Variants in RPL3L observed in about 807,000 individuals in gnomAD.
RPL3L encodes ribosomal protein uL3-like.
RPL3L carries 44 observed loss-of-function variants against 44.5 expected under a neutral mutation model. That is an observed-to-expected ratio of 0.99 (90% CI 0.78 to 1.27). The LOEUF (loss-of-function observed/expected upper bound fraction) is 1.27, where lower values mean the gene tolerates loss of function less well. RPL3L is among the 50% of genes most tolerant of loss of function. RPL3L has a pLI of 0.00. For missense variants in RPL3L, 631 were observed against 569.1 expected (o/e 1.11, Z -1.11); for synonymous variants, 292 against 230.7 (o/e 1.27, Z -2.41).
intron 4 of RPL3L, among the ~76,000 whole-genome samples, chr16:1,948,370 T>C (rs2083141668): frequency 6.6e-6 from 1 of 151,826 alleles, no homozygotes; most frequent in Non-Finnish European, 1.5e-5. Flanking sequence ...ATTACAGGTG[T>C]GTGCCACCAT....
intron 5 of RPL3L, 31 bp downstream of exon 5, chr16:1,947,163 C>T (rs775919004): frequency 2.5e-6 from 4 of 1,612,816 alleles, no homozygotes; most frequent in African/African-American, 1.3e-5. Flanking sequence ...AGGCAGCCTG[C>T]CCTGGAGCTG....
At position 1,946,658 on chromosome 16, in the gene RPL3L, G is replaced by A. The variant is rs1413908223; in HGVS notation, c.918C>T (p.Ser306=). 1.2e-6 allele frequency: 2 copies of A among 1,612,824 alleles called. No homozygotes were observed. The highest frequency in any genetic ancestry group is 1.1e-5 in the South Asian group (1 of 91,088). ...GKLVKNNAST[S]YDVTAKSITP... ...TGATGGACTTGGCAGTCACGTCGTA[G>A]CTGGTGGATGCATTGTTCTTCACCA... Residue 306 remains serine, a synonymous_variant, in exon 7 of 10, where the codon AGC becomes AGT. Transcript: ENST00000268661.
intron 3 of RPL3L, 58 bp downstream of exon 3, chr16:1,952,816 C>T: frequency 1.9e-6 from 3 of 1,591,968 alleles, no homozygotes; most frequent in South Asian, 1.1e-5. Flanking sequence ...GAGCCTCAGG[C>T]ACCCAACTTC....
chr16:1,944,414 A>T lies in RPL3L; in HGVS notation c.*423T>A, dbSNP rs567058920. 83 of 164,384 alleles carry T rather than the reference A, an allele frequency of 5.0e-4. No homozygotes were observed. The highest frequency in any genetic ancestry group is 1.6e-3 in the African/African-American group (67 of 41,382). 10.2% of individuals were successfully genotyped at this position (164,384 alleles called of 1,614,324 possible). On this transcript the variant is annotated 3_prime_UTR_variant, in exon 10 of 10. Transcript: ENST00000268661. ...CTGACTCAGCGCAAGAAGACAGCTG[A>T]CTCCCTGTGATTTCCTCCCTGACCA...
chr16:1,946,673 G>T lies in RPL3L; in HGVS notation c.903C>A (p.Asn301Lys). The T allele has an allele frequency of 1.2e-6, 2 of 1,612,832 alleles. No individual in the cohort carries two copies. Among genetic ancestry groups the T allele is most frequent in the Non-Finnish European group, 1.7e-6 (2 of 1,179,962 alleles). ...TCACGTCGTAGCTGGTGGATGCATT[G>T]TTCTTCACCAGCTTCCCGTCCTCCA... is the stretch of plus-strand genomic sequence containing the variant. ...PHMEDGKLVK[N>K]NASTSYDVTA... Residue 301 changes from asparagine (N) to lysine (K), a missense_variant, in exon 7 of 10, where the codon AAC becomes AAA. By Grantham distance (94) the Asn-to-Lys change is moderately conservative (BLOSUM62 0). Coordinates refer to ENST00000268661, the MANE Select transcript of RPL3L (RefSeq NM_005061.3).
chr16:1,950,022 A>G (rs866784054), intron 4 of RPL3L, among the ~76,000 whole-genome samples: 3,000 of 32,700 alleles, frequency 0.092, 49 homozygotes, highest in African/African-American at 0.14. Context: ...GTATGTAGGG[A>G]GCAGGTATGG....
intron 1 of RPL3L, among the ~76,000 whole-genome samples, 164 bp downstream of exon 1, chr16:1,954,465 G>A (rs907586420): frequency 1.3e-5 from 2 of 151,974 alleles, no homozygotes; most frequent in African/African-American, 4.8e-5. Context: ...GGCCCTCCCA[G>A]GCCCAGGAGC....
In RPL3L at chr16:1,947,938, A is replaced by ATT. The variant is rs1158555053; in HGVS notation, c.502-560_502-559dup. Among the ~76,000 whole-genome samples the ATT allele has an allele frequency of 9.7e-3, 1,066 of 109,936 alleles. 28 individuals carry two copies. The highest frequency in any genetic ancestry group is 0.067 in the East Asian group (243 of 3,614). The allele number at this position is 109,936 out of a possible 152,430, so 72.1% of individuals were successfully genotyped here. ...GCAGGCTGCGATGTGATCTGATTGG[A>ATT]TTTTTTTTTTTTTTTTTTTTTTTGA... On this transcript the variant is annotated intron_variant, in intron 4 of 9. Coordinates refer to ENST00000268661, the MANE Select transcript of RPL3L (RefSeq NM_005061.3).
rs763380562 is a variant in RPL3L at position 1,954,150 on chromosome 16, T to TG, written c.4-3dup. The TG allele has an allele frequency of 1.0e-5, 16 of 1,571,814 alleles. No homozygotes were observed. The Admixed American group carries it at 1.8e-4, about 18-fold the overall frequency. On this transcript the variant is annotated splice_polypyrimidine_tract_variant and splice_region_variant and intron_variant, in intron 1 of 9. Coordinates refer to ENST00000268661, the MANE Select transcript of RPL3L (RefSeq NM_005061.3). Reference sequence around the variant, plus strand: ...AGGGGCGGAAAACTTCCGGTGGGACTGGGGGGCAGGAAGGAAGGAGGTCAG... The same window carrying TG: ...AGGGGCGGAAAACTTCCGGTGGGACTGGGGGGGCAGGAAGGAAGGAGGTCAG...
At chr16:1,948,349 G>C (rs1426036412) in intron 4 of RPL3L, among the ~76,000 whole-genome samples, 13 of 151,938 alleles carry the variant, frequency 8.6e-5, no homozygotes, top group Middle Eastern at 3.4e-3. Flanking sequence ...TCAGCTTCTT[G>C]AGTAACTGGG....
rs777165381 is a variant in RPL3L at position 1,947,094 on chromosome 16, GA to G, written c.692del (p.Val231AlafsTer69). 8 of 1,613,430 alleles carry G rather than the reference GA, an allele frequency of 5.0e-6. No homozygotes were observed. The highest frequency in any genetic ancestry group is 6.8e-6 in the Non-Finnish European group (8 of 1,180,004). The stretch of plus-strand genomic sequence containing the variant: ...GCTTCTTGGTATGCCAGCGGCTTGT[GA>G]CCCCTGTGAGTGAGAGGGGCTGGTG... ...AVTKGRGVKG[V>X]TSRWHTKKLP... On this transcript the variant is annotated frameshift_variant, in exon 6 of 10. Transcript: ENST00000268661. LOFTEE classifies it high-confidence loss of function.
At chr16:1,945,049 T>C (rs1167613628) in intron 9 of RPL3L, among the ~76,000 whole-genome samples, 156 bp from the exon 10 acceptor site, 2 of 151,866 alleles carry the variant, frequency 1.3e-5, no homozygotes, top group Non-Finnish European at 2.9e-5. Context: ...TGCCCAGGGA[T>C]AGACCCTTAA....
intron 1 of RPL3L, 145 bp from the exon 2 acceptor site, chr16:1,954,293 G>T: frequency 1.1e-6 from 1 of 941,460 alleles, no homozygotes. Context: ...CCTACAGGAG[G>T]GGAGAGGAAG....
At chr16:1,950,486 AC>A (rs1233353898) in intron 4 of RPL3L, among the ~76,000 whole-genome samples, 1 of 152,116 alleles carries the variant, frequency 6.6e-6, no homozygotes, top group Non-Finnish European at 1.5e-5. Context: ...CTGTCAGCCT[AC>A]AGCAAGCCAG....
chr16:1,946,913 C>T (rs1297738352), intron 6 of RPL3L, 25 bp downstream of exon 6: 9 of 1,585,536 alleles, frequency 5.7e-6, no homozygotes, highest in South Asian at 1.1e-5. Context: ...CACACAGTGT[C>T]CCCGTACCCC....
chr16:1,947,589 C>G (rs62038771), intron 4 of RPL3L, among the ~76,000 whole-genome samples: 3 of 152,236 alleles, frequency 2.0e-5, no homozygotes, highest in Non-Finnish European at 4.4e-5. Context: ...TCGGGAGCCA[C>G]CATCTCACTG....
chr16:1,953,559 A>T (rs952848143), intron 2 of RPL3L, among the ~76,000 whole-genome samples: 2 of 152,234 alleles, frequency 1.3e-5, no homozygotes, highest in African/African-American at 2.4e-5. Flanking sequence ...CTACGATTAA[A>T]ACAACAAAAA....
Position 1,952,974 on chromosome 16 carries a change from C to G in RPL3L, c.265G>C (p.Val89Leu). The G allele has an allele frequency of 6.2e-7, 1 of 1,612,948 alleles. No homozygotes were observed. The highest frequency in any genetic ancestry group is 1.7e-4 in the Middle Eastern group (1 of 6,056). Residue 89 changes from valine to leucine, a missense_variant, in exon 3 of 10, where the codon GTG becomes CTG. Physicochemically the swap from Val to Leu is conservative, Grantham distance 32. Coordinates refer to ENST00000268661, the MANE Select transcript of RPL3L (RefSeq NM_005061.3). ...VETPPLVVVG[V>L]VGYVATPRGL... The stretch of plus-strand genomic sequence containing the variant: ...CGAGGGGTGGCCACGTAGCCCACCA[C>G]GCCCACCACCACTAGGGGCGGCGTT...
intron 7 of RPL3L, 111 bp downstream of exon 7, chr16:1,946,514 A>C: frequency 9.0e-7 from 1 of 1,116,134 alleles, no homozygotes; most frequent in Non-Finnish European, 1.3e-6. Flanking sequence ...CGTCCAGCTG[A>C]GGCTGGGGCA....
Sources: gnomAD v4.1 joint callset for allele counts (sites outside exome capture counted in the v4.1 genomes callset) on GRCh38, gnomAD v4.1.1 for gene constraint, MANE v1.5 for transcripts, NCBI Gene and HGNC (gene_info 2026-07-23, HGNC 2026-07-21) for gene names.